The following POGLUT1 variants were observed in gnomAD, a reference collection of about 807,000 sequenced individuals.
POGLUT1 encodes 9630046K23Rik.
Under a neutral mutation model 61.3 loss-of-function variants are expected in POGLUT1, and 32 were observed. The ratio of observed to expected loss-of-function variants is 0.52; its 90% CI spans 0.39 to 0.70. The LOEUF (loss-of-function observed/expected upper bound fraction) is 0.70. Ranked by LOEUF, POGLUT1 falls within the 30% of genes least tolerant of loss-of-function variation. The probability of loss-of-function intolerance (pLI) is 0.00; values close to 1 mark genes in which losing one functional copy is unlikely to be tolerated. For synonymous variants in POGLUT1, 158 were observed against 158.2 expected (o/e 1.00, Z 0.01); for missense variants, 411 against 469.8 (o/e 0.87, Z 1.16).
chr3:119,477,352 G>A lies in POGLUT1; in HGVS notation c.360G>A (p.Gly120=), dbSNP rs781189290. 1.2e-6 allele frequency: 2 copies of A among 1,613,738 alleles called. No homozygotes were observed. The highest frequency in any genetic ancestry group is 3.3e-5 in the Admixed American group (2 of 60,008). ...GVEHFILEVI[G]RLPDMEMVIN... ...AGCACTTTATTTTGGAAGTGATCGG[G>A]CGTCTCCCTGACATGGAGATGGTGA... The change falls in exon 4 of 11, where the codon GGG becomes GGA. Residue 120 remains glycine (G), a synonymous_variant. Transcript: ENST00000295588.
rs1320007837 is a variant in POGLUT1 at position 119,469,876 on chromosome 3, C to T, written c.142C>T (p.Pro48Ser). The change falls in exon 2 of 11, where the codon CCA becomes TCA. Residue 48 changes from proline to serine, a missense_variant. Transcript: ENST00000295588. ...QINRSLENYE[P>S]CSSQNCSCYH... Reference sequence around the variant, plus strand: ...TAACAGGTCTTTGGAGAATTACGAACCATGTTCAAGTCAAAACTGCAGCTG... The same window carrying T: ...TAACAGGTCTTTGGAGAATTACGAATCATGTTCAAGTCAAAACTGCAGCTG... 3 of 1,608,444 alleles carry T rather than the reference C, an allele frequency of 1.9e-6. No individual in the cohort carries two copies. Among genetic ancestry groups the T allele is most frequent in the Admixed American group, 3.3e-5 (2 of 60,012 alleles).
chr3:119,472,872 A>G (rs2081492077), intron 3 of POGLUT1, among the ~76,000 whole-genome samples: 1 of 152,208 alleles, frequency 6.6e-6, no homozygotes. Flanking sequence ...CTCTACAAAA[A>G]ATACAAACAT....
At chr3:119,475,068 G>A (rs1191211592) in intron 3 of POGLUT1, among the ~76,000 whole-genome samples, 1 of 152,008 alleles carries the variant, frequency 6.6e-6, no homozygotes, top group African/African-American at 2.4e-5. Flanking sequence ...CAGTGAAAAG[G>A]AAGTTTCTCT....
At position 119,475,954 on chromosome 3, in the gene POGLUT1, CCACACACACA is replaced by C. The variant is rs539140166; in HGVS notation, c.321-1328_321-1319del. Among the ~76,000 whole-genome samples the C allele has an allele frequency of 9.5e-3, 1,241 of 130,940 alleles. 26 individuals carry two copies. Among genetic ancestry groups the C allele is most frequent in the South Asian group, 0.079 (309 of 3,906 alleles). The allele number at this position is 130,940 out of a possible 152,430, so 85.9% of individuals were successfully genotyped here. On this transcript the variant is annotated intron_variant, in intron 3 of 10. Coordinates refer to ENST00000295588, the MANE Select transcript of POGLUT1 (RefSeq NM_152305.3). ...TGGACAACATACCAAGACTGTCTCT[CCACACACACA>C]CACACACACACACACACACACACAC...
intron 7 of POGLUT1, 23 bp downstream of exon 7, chr3:119,486,955 G>T (rs773470678): frequency 4.2e-6 from 6 of 1,417,634 alleles, no homozygotes. Context: ...CATCTGACTA[G>T]AACTACAGCA....
chr3:119,472,159 C>CAGCA (rs2081481499), intron 3 of POGLUT1, among the ~76,000 whole-genome samples: 1 of 150,766 alleles, frequency 6.6e-6, no homozygotes, highest in Admixed American at 6.6e-5. Context: ...TGGGTTTAGG[C>CAGCA]AGCATTGCAC....
intron 10 of POGLUT1, among the ~76,000 whole-genome samples, chr3:119,491,911 G>A (rs922479497): frequency 2.6e-5 from 4 of 152,076 alleles, no homozygotes; most frequent in African/African-American, 4.8e-5. Context: ...AAAATTAGCC[G>A]GGTGTGGTGG....
intron 3 of POGLUT1, among the ~76,000 whole-genome samples, chr3:119,476,117 A>G (rs980868972): frequency 2.0e-5 from 3 of 152,146 alleles, no homozygotes; most frequent in Non-Finnish European, 4.4e-5. Context: ...TGATCATGCC[A>G]CTGCACTCTT....
Position 119,469,121 on chromosome 3 carries a change from G to A in POGLUT1, c.85+15G>A, listed in dbSNP as rs1417336009. On this transcript the variant is annotated intron_variant, in intron 1 of 10. Coordinates refer to ENST00000295588, the MANE Select transcript of POGLUT1 (RefSeq NM_152305.3). ...GAAGGAGTCAGGTGGGCTCCGGGCA[G>A]TGCCGAGCCTGCCCCTTGGGCTCGG... The A allele has an allele frequency of 6.3e-7, 1 of 1,584,108 alleles. No homozygotes were observed. The highest frequency in any genetic ancestry group is 8.6e-7 in the Non-Finnish European group (1 of 1,164,648).
At chr3:119,488,711 C>G in intron 7 of POGLUT1, 1 of 341,846 alleles carries the variant, frequency 2.9e-6, no homozygotes. Flanking sequence ...GGTTAAAACT[C>G]TGTCTTCTAT....
chr3:119,490,418 T>A (rs2081729178), intron 8 of POGLUT1, 133 bp from the exon 9 acceptor site: 1 of 793,826 alleles, frequency 1.3e-6, no homozygotes, highest in Admixed American at 2.4e-5. Flanking sequence ...AATGTGTCCT[T>A]GAAAACTCAA....
At chr3:119,492,184 G>A in intron 10 of POGLUT1, 98 bp from the exon 11 acceptor site, 2 of 803,796 alleles carry the variant, frequency 2.5e-6, no homozygotes, top group East Asian at 2.7e-5. Context: ...TATATAAAAT[G>A]CTGAATAATG....
chr3:119,473,660 CTTT>C (rs771110307), intron 3 of POGLUT1, among the ~76,000 whole-genome samples: 6 of 142,152 alleles, frequency 4.2e-5, no homozygotes, highest in African/African-American at 5.1e-5. Flanking sequence ...CGTCTAGATA[CTTT>C]TTTTTTTTTT....
At chr3:119,474,873 G>A (rs1012062897) in intron 3 of POGLUT1, among the ~76,000 whole-genome samples, 4 of 151,720 alleles carry the variant, frequency 2.6e-5, no homozygotes, top group African/African-American at 7.3e-5. Context: ...TAAATTAAAA[G>A]CCAAATGTGA....
At chr3:119,475,954 C>CCACACACACACACACACA (rs539140166) in intron 3 of POGLUT1, among the ~76,000 whole-genome samples, 42 of 130,850 alleles carry the variant, frequency 3.2e-4, no homozygotes, top group Non-Finnish European at 5.7e-4. Context: ...GACTGTCTCT[C>CCACACACACACACACACA]CACACACACA....
Position 119,492,289 on chromosome 3 carries a change from CA to C in POGLUT1, c.1031del (p.Gln344ArgfsTer20). Reference protein sequence around the residue: ...VAQEIAERGSQFIRNHLQMDD... With the variant: ...VAQEIAERGSXFIRNHLQMDD... ...GTTAAATCTTGTCTCTAGGGGAAGC[CA>C]GTTTATTAGGAACCATTTGCAGATG... On this transcript the variant is annotated frameshift_variant, in exon 11 of 11. Transcript: ENST00000295588. LOFTEE classifies it high-confidence loss of function. 1 of 1,596,808 alleles carries C rather than the reference CA, an allele frequency of 6.3e-7. No homozygotes were observed. The highest frequency in any genetic ancestry group is 8.5e-7 in the Non-Finnish European group (1 of 1,172,480).
In POGLUT1 at chr3:119,493,264, C is replaced by G. The variant is rs1255961251; in HGVS notation, c.*826C>G. On this transcript the variant is annotated 3_prime_UTR_variant, in exon 11 of 11. Transcript: ENST00000295588. ...TTTTTCCTTCTTAAATTGGCCACAG[C>G]AGGGGTCATTCACACTCTCACTGTC... 1 of 152,268 alleles carries G rather than the reference C, an allele frequency of 6.6e-6. No homozygotes were observed. Among genetic ancestry groups the G allele is most frequent in the Non-Finnish European group, 1.5e-5 (1 of 68,038 alleles). 9.4% of individuals were successfully genotyped at this position (152,268 alleles called of 1,614,324 possible). A position where few individuals can be genotyped will look rare whatever the true frequency, so the allele number is the denominator to read the frequency against.
intron 3 of POGLUT1, among the ~76,000 whole-genome samples, chr3:119,476,645 C>T (rs541287381): frequency 1.3e-5 from 2 of 152,264 alleles, no homozygotes; most frequent in Admixed American, 6.5e-5. Context: ...TGGTCAGGAC[C>T]TCAGAGGATG....
chr3:119,475,373 T>C (rs1174699123), intron 3 of POGLUT1, among the ~76,000 whole-genome samples: 1 of 152,246 alleles, frequency 6.6e-6, no homozygotes, highest in African/African-American at 2.4e-5. Flanking sequence ...ACATTTAGAT[T>C]ATCCCTTACC....
Sources: allele counts gnomAD v4.1 joint callset (sites outside exome capture counted in the v4.1 genomes callset), GRCh38; gene constraint gnomAD v4.1.1; transcripts MANE v1.5; gene names NCBI Gene and HGNC (gene_info 2026-07-23, HGNC 2026-07-21).